The following RGS2 variants were observed in gnomAD, a reference collection of about 807,000 sequenced individuals.
RGS2 encodes the protein G0 to G1 switch regulatory 8, 24kD.
In RGS2, 20 loss-of-function variants were observed where a neutral mutation model predicts 26.6. The observed-to-expected ratio is 0.75, with a 90% CI of 0.53 to 1.09. The LOEUF (loss-of-function observed/expected upper bound fraction) is 1.09, where lower values mean the gene tolerates loss of function less well. Among genes scored for constraint, RGS2 ranks in the 50% least tolerant of loss-of-function variants. The pLI, the probability that RGS2 is intolerant of heterozygous loss-of-function variation, is 0.00. For missense variants in RGS2, 246 were observed against 245.5 expected (o/e 1.00, Z -0.01); for synonymous variants, 97 against 79.9 (o/e 1.21, Z -1.14).
chr1:192,810,371 C>T lies in RGS2; in HGVS notation c.214C>T (p.Pro72Ser). ...TAACATACAGAACCTCTCTTGCAGG[C>T]CTTCTCCTGAGGAAGCACAGCTGTG... ...KKSKQQAFIK[P>S]SPEEAQLWSE... The change falls in exon 3 of 5, where the codon CCT (proline) becomes TCT (serine). Residue 72 changes from proline to serine, a missense_variant and splice_region_variant. Transcript: ENST00000235382. 2 of 1,614,068 alleles carry T rather than the reference C, an allele frequency of 1.2e-6. No homozygotes were observed. The highest frequency in any genetic ancestry group is 1.7e-6 in the Non-Finnish European group (2 of 1,179,894).
rs76763381 is a variant in RGS2 at position 192,811,714 on chromosome 1, C to T, written c.*118C>T. Reference sequence around the variant, plus strand: ...GCCTGGGTGTTCAGGAAACATCACTCAGAACTATTGATTCAAAGTTGGGTA... The same window carrying T: ...GCCTGGGTGTTCAGGAAACATCACTTAGAACTATTGATTCAAAGTTGGGTA... On this transcript the variant is annotated 3_prime_UTR_variant, in exon 5 of 5. Coordinates refer to ENST00000235382, the MANE Select transcript of RGS2 (RefSeq NM_002923.4). 1 of 999,896 alleles carries T rather than the reference C, an allele frequency of 1.0e-6. No individual in the cohort carries two copies. 61.9% of individuals were successfully genotyped at this position (999,896 alleles called of 1,614,324 possible).
rs145125159 is a variant in RGS2, at chr1:192,809,078, A to G, written c.7A>G (p.Ser3Gly). Residue 3 changes from serine to glycine, a missense_variant, in exon 1 of 5, where the codon AGT becomes GGT. Coordinates refer to ENST00000235382, the MANE Select transcript of RGS2 (RefSeq NM_002923.4). MQ[S>G]AMFLAVQHDC... ...CTCCAGCGGGAGAACGATAATGCAA[A>G]GTGCTATGTTCTTGGCTGTTCAACA... 1.7e-4 allele frequency: 281 copies of G among 1,612,336 alleles called. No individual in the cohort carries two copies. The African/African-American group carries it at 3.3e-3, about 19-fold the overall frequency.
At chr1:192,811,309 A>C (rs1314361250) in intron 4 of RGS2, 93 bp from the exon 5 acceptor site, 3 of 1,296,612 alleles carry the variant, frequency 2.3e-6, no homozygotes, top group Non-Finnish European at 3.3e-6. Context: ...TAGTAAAGCT[A>C]ATCACACATA....
Position 192,811,980 on chromosome 1 carries a change from A to G in RGS2, c.*384A>G. 3.3e-6 allele frequency: 1 copy of G among 298,928 alleles called. No individual in the cohort carries two copies. The highest frequency in any genetic ancestry group is 4.7e-5 in the Admixed American group (1 of 21,092). The allele number at this position is 298,928 out of a possible 1,614,324, so 18.5% of individuals were successfully genotyped here. ...TGTACATCTTTCCCTAAATCGATCC[A>G]TGTTACCACATAGTAGTTTTAGTTT... On this transcript the variant is annotated 3_prime_UTR_variant, in exon 5 of 5. Transcript: ENST00000235382.
At chr1:192,811,291 G>C (rs1001147402) in intron 4 of RGS2, 111 bp from the exon 5 acceptor site, 2 of 1,290,416 alleles carry the variant, frequency 1.5e-6, no homozygotes, top group Non-Finnish European at 1.1e-6. Flanking sequence ...GTTCTCCTGT[G>C]ACTTAGCTAG....
intron 1 of RGS2, 45 bp downstream of exon 1, chr1:192,809,226 C>G: frequency 7.5e-7 from 1 of 1,328,184 alleles, no homozygotes; most frequent in Non-Finnish European, 1.1e-6. Context: ...CTGCCCCACA[C>G]TGCAAGCTGC....
rs1665605286 is a variant in RGS2 at position 192,812,270 on chromosome 1, A to AT, written c.*676dup. ...TAATAAATTTATTTTGATAAATAAT[A>AT]TTGAACACTTGGAGTCTAGATGTGA... On this transcript the variant is annotated 3_prime_UTR_variant, in exon 5 of 5. Transcript: ENST00000235382. The AT allele has an allele frequency of 6.5e-6, 1 of 152,772 alleles. No individual in the cohort carries two copies. The highest frequency in any genetic ancestry group is 1.9e-4 in the East Asian group (1 of 5,208). The allele number at this position is 152,772 out of a possible 1,614,324, so 9.5% of individuals were successfully genotyped here. A position where few individuals can be genotyped will look rare whatever the true frequency, so the allele number is the denominator to read the frequency against.
In RGS2 at chr1:192,810,201, T is replaced by G. The variant is rs1175997199; in HGVS notation, c.146T>G (p.Leu49Ter). The change falls in exon 2 of 5, where the codon TTA becomes TGA. Residue 49 changes from leucine (L) to a stop codon, truncating the protein, a stop_gained. Coordinates refer to ENST00000235382, the MANE Select transcript of RGS2 (RefSeq NM_002923.4). LOFTEE classifies it high-confidence loss of function. Reference protein sequence around the residue: ...KDWKTRLSYFLQNSSTPGKPK... With the variant: ...KDWKTRLSYF Reference sequence around the variant, plus strand: ...TGGAAGACCCGTTTGAGCTACTTCTTACAAAATTCCTCTACTCCTGGGAAG... The same window carrying G: ...TGGAAGACCCGTTTGAGCTACTTCTGACAAAATTCCTCTACTCCTGGGAAG... The G allele has an allele frequency of 3.1e-6, 5 of 1,613,804 alleles. No homozygotes were observed. The highest frequency in any genetic ancestry group is 1.7e-6 in the Non-Finnish European group (2 of 1,179,662).
At chr1:192,811,344 C>G in intron 4 of RGS2, 58 bp from the exon 5 acceptor site, 1 of 1,455,452 alleles carries the variant, frequency 6.9e-7, no homozygotes, top group Non-Finnish European at 9.5e-7. Context: ...TTTTCAAATA[C>G]TAAATTTTAA....
intron 1 of RGS2, chr1:192,809,649 T>C: frequency 3.6e-6 from 1 of 280,468 alleles, no homozygotes; most frequent in Non-Finnish European, 7.0e-6. Flanking sequence ...ATGCAGCGTC[T>C]GCTTAAAAGA....
chr1:192,810,510 GC>G (rs1665574432), intron 3 of RGS2, 79 bp downstream of exon 3: 24 of 1,276,202 alleles, frequency 1.9e-5, no homozygotes, highest in Non-Finnish European at 2.7e-5. Context: ...CAAAAGAGCA[GC>G]TTGCCTGAGG....
chr1:192,809,337 T>C, intron 1 of RGS2, 156 bp downstream of exon 1: 1 of 688,442 alleles, frequency 1.5e-6, no homozygotes, highest in Non-Finnish European at 2.7e-6. Flanking sequence ...TAAGGTTAAA[T>C]CTGGGTGATG....
At chr1:192,809,482 C>T (rs2102105412) in intron 1 of RGS2, 12 of 430,866 alleles carry the variant, frequency 2.8e-5, no homozygotes, top group South Asian at 2.3e-4. Flanking sequence ...AGCGCGTCCC[C>T]AGCATTCATA....
chr1:192,811,714 C>A lies in RGS2; in HGVS notation c.*118C>A, dbSNP rs76763381. The A allele has an allele frequency of 9.1e-3, 9,095 of 999,842 alleles. 424 individuals are homozygous for A. The Admixed American group carries it at 0.1, about 11-fold the overall frequency. 61.9% of individuals were successfully genotyped at this position (999,842 alleles called of 1,614,324 possible). On this transcript the variant is annotated 3_prime_UTR_variant, in exon 5 of 5. Coordinates refer to ENST00000235382, the MANE Select transcript of RGS2 (RefSeq NM_002923.4). ...GCCTGGGTGTTCAGGAAACATCACT[C>A]AGAACTATTGATTCAAAGTTGGGTA...
In RGS2 at chr1:192,812,182, G is replaced by A. The variant is rs530358353; in HGVS notation, c.*586G>A. On this transcript the variant is annotated 3_prime_UTR_variant, in exon 5 of 5. Coordinates refer to ENST00000235382, the MANE Select transcript of RGS2 (RefSeq NM_002923.4). ...TATGGTGTTGAAAACTGCAGTGTCC[G>A]TTATGAGTGCCAAAAATCTGTCTTG... is the stretch of plus-strand genomic sequence containing the variant. The A allele has an allele frequency of 1.0e-4, 16 of 153,906 alleles. No homozygotes were observed. In the South Asian group the frequency reaches 2.9e-3, roughly 28 times the overall value. 9.5% of individuals were successfully genotyped at this position (153,906 alleles called of 1,614,324 possible).
At chr1:192,809,594 A>G (rs1009971855) in intron 1 of RGS2, 3 of 323,848 alleles carry the variant, frequency 9.3e-6, no homozygotes, top group African/African-American at 6.5e-5. Flanking sequence ...TTTTTTAATT[A>G]TAGAGCAGAT....
In RGS2 at chr1:192,810,451, T is replaced by G; in HGVS notation, c.274+20T>G. On this transcript the variant is annotated intron_variant, in intron 3 of 4. Transcript: ENST00000235382. Reference sequence around the variant, plus strand: ...GCAAATGTAAGTTAACTCTTGAGCTTGAGCCATTGCTAACATCGCAAAAGC... The same window carrying G: ...GCAAATGTAAGTTAACTCTTGAGCTGGAGCCATTGCTAACATCGCAAAAGC... 1 of 1,611,870 alleles carries G rather than the reference T, an allele frequency of 6.2e-7. No homozygotes were observed. Among genetic ancestry groups the G allele is most frequent in the Non-Finnish European group, 8.5e-7 (1 of 1,178,234 alleles).
intron 2 of RGS2, 25 bp downstream of exon 2, chr1:192,810,292 A>C: frequency 1.2e-6 from 2 of 1,607,612 alleles, no homozygotes; most frequent in Non-Finnish European, 1.7e-6. Context: ...CTGTGCTTGC[A>C]AATATCAATA....
In RGS2 at chr1:192,809,109, G is replaced by T; in HGVS notation, c.38G>T (p.Cys13Phe). 6.2e-7 allele frequency: 1 copy of T among 1,614,066 alleles called. No individual in the cohort carries two copies. The highest frequency in any genetic ancestry group is 2.2e-5 in the East Asian group (1 of 44,864). Residue 13 changes from cysteine to phenylalanine, a missense_variant, in exon 1 of 5, where the codon TGC (cysteine) becomes TTC (phenylalanine). Physicochemically the swap from Cys to Phe is radical, Grantham distance 205. Coordinates refer to ENST00000235382, the MANE Select transcript of RGS2 (RefSeq NM_002923.4). ...SAMFLAVQHDCRPMDKSAGSG... is the reference protein window; with the variant it reads ...SAMFLAVQHDFRPMDKSAGSG... Reference sequence around the variant, plus strand: ...ATGTTCTTGGCTGTTCAACACGACTGCAGACCCATGGACAAGAGCGCAGGC... The same window carrying T: ...ATGTTCTTGGCTGTTCAACACGACTTCAGACCCATGGACAAGAGCGCAGGC...
Sources: allele counts gnomAD v4.1 joint callset, GRCh38; gene constraint gnomAD v4.1.1; transcripts MANE v1.5; gene names NCBI Gene and HGNC (gene_info 2026-07-23, HGNC 2026-07-21).